The following GRAMD1A variants were observed in gnomAD, a reference collection of about 807,000 sequenced individuals.
GRAMD1A encodes the protein GRAM domain containing 1A.
Under a neutral mutation model 92.0 loss-of-function variants are expected in GRAMD1A, and 50 were observed. The observed-to-expected ratio is 0.54, with a 90% confidence interval of 0.43 to 0.69. The LOEUF is 0.69. Ranked by LOEUF, GRAMD1A falls within the 30% of genes least tolerant of loss-of-function variation. GRAMD1A has a pLI of 0.00. For missense variants in GRAMD1A, 819 were observed against 978.9 expected, an observed-to-expected ratio of 0.84 and a Z score of 2.18; for synonymous variants, 405 against 403.6, an observed-to-expected ratio of 1.00 and a Z score of -0.04.
Position 35,014,405 on chromosome 19 carries a change from A to G in GRAMD1A, c.1069+18A>G. 6.2e-7 allele frequency: 1 copy of G among 1,606,656 alleles called. No homozygotes were observed. Among genetic ancestry groups the G allele is most frequent in the South Asian group, 1.1e-5 (1 of 90,908 alleles). ...GGAGGAAGGTGAGGCAGGCGGGCCC[A>G]ATTCATTCGCCTCCGGTACTTGCAA... On this transcript the variant is annotated intron_variant, in intron 10 of 19. Coordinates refer to ENST00000317991, the MANE Select transcript of GRAMD1A (RefSeq NM_020895.5).
At chr19:34,998,698 T>C (rs1421871196), upstream of GRAMD1A, 1 of 146,694 alleles carries the variant, frequency 6.8e-6, no homozygotes, top group African/African-American at 2.6e-5. Flanking sequence ...CAGAGGAAGG[T>C]GGTGGGAGGA....
intron 11 of GRAMD1A, among the ~76,000 whole-genome samples, chr19:35,017,219 C>T (rs987839420): frequency 5.9e-5 from 9 of 151,892 alleles, no homozygotes; most frequent in Admixed American, 1.3e-4. Flanking sequence ...GAGCAGATGT[C>T]GGCATCATGC....
chr19:35,009,470 G>A, intron 3 of GRAMD1A, 27 bp downstream of exon 3: 1 of 1,612,836 alleles, frequency 6.2e-7, no homozygotes, highest in Non-Finnish European at 8.5e-7. Context: ...GGGGCTTGCT[G>A]GAGGGCTGGG....
upstream of GRAMD1A, chr19:34,996,111 G>T: frequency 3.9e-6 from 6 of 1,535,850 alleles, no homozygotes; most frequent in Non-Finnish European, 5.2e-6. Flanking sequence ...GCAGGGCAGC[G>T]GAAGCAGCAG....
chr19:35,004,123 G>A (rs1393777550), intron 1 of GRAMD1A, among the ~76,000 whole-genome samples: 1 of 152,132 alleles, frequency 6.6e-6, no homozygotes, highest in Non-Finnish European at 1.5e-5. Context: ...CAGCTATCAG[G>A]GAAGCTAAGG....
Position 35,013,214 on chromosome 19 carries a change from C to T in GRAMD1A, c.607-42C>T. On this transcript the variant is annotated intron_variant, in intron 7 of 19. Transcript: ENST00000317991. The surrounding 1 kb of genome is among the most constrained non-coding windows in gnomAD (Gnocchi z 4.9). The stretch of plus-strand genomic sequence containing the variant: ...GGGAATCTGGCGGGCCGGGCTCTGG[C>T]TGGGGTGAGATGGAGGCCAACCCCA... The T allele has an allele frequency of 1.8e-6, 2 of 1,095,342 alleles. No individual in the cohort carries two copies. The highest frequency in any genetic ancestry group is 2.7e-6 in the Non-Finnish European group (2 of 745,998). The allele number at this position is 1,095,342 out of a possible 1,614,324, so 67.9% of individuals were successfully genotyped here.
At position 35,013,090 on chromosome 19, in the gene GRAMD1A, A is replaced by C; in HGVS notation, c.607-166A>C. 1.7e-6 allele frequency: 1 copy of C among 580,568 alleles called. No homozygotes were observed. Among genetic ancestry groups the C allele is most frequent in the South Asian group, 2.1e-5 (1 of 48,438 alleles). The allele number at this position is 580,568 out of a possible 1,614,324, so 36.0% of individuals were successfully genotyped here. A position where few individuals can be genotyped will look rare whatever the true frequency, so the allele number is the denominator to read the frequency against. ...TGGGCGCAGGCCCTGGAGGGGCTGTAGCAGGGGATTCCCCGCTTGCTGAGG... is the reference window on the plus strand; with the variant it reads ...TGGGCGCAGGCCCTGGAGGGGCTGTCGCAGGGGATTCCCCGCTTGCTGAGG... On this transcript the variant is annotated intron_variant, in intron 7 of 19. Coordinates refer to ENST00000317991, the MANE Select transcript of GRAMD1A (RefSeq NM_020895.5). This position sits in a 1 kb window ranked among gnomAD's most constrained non-coding sequence, Gnocchi z 4.9.
rs748154945 is a variant in GRAMD1A, at chr19:35,009,164, G to A, written c.54G>A (p.Ser18=). The change falls in exon 2 of 20, where the codon TCG becomes TCA. Residue 18 remains serine (S), a synonymous_variant. Coordinates refer to ENST00000317991, the MANE Select transcript of GRAMD1A (RefSeq NM_020895.5). ...GGAGCACGCCAAGCAGCTCCCCATC[G>A]CTCCGGAAACGGCTGCAGCTCCTGC... ...SGRSTPSSSP[S]LRKRLQLLPP... 21 of 1,613,872 alleles carry A rather than the reference G, an allele frequency of 1.3e-5. No homozygotes were observed. Among genetic ancestry groups the A allele is most frequent in the Middle Eastern group, 1.6e-4 (1 of 6,084 alleles).
At chr19:35,011,822 G>C (rs546254846) in intron 7 of GRAMD1A, among the ~76,000 whole-genome samples, 1 of 152,220 alleles carries the variant, frequency 6.6e-6, no homozygotes, top group Admixed American at 6.5e-5. Flanking sequence ...CACTGGCAGC[G>C]GGGGAGTGTG....
At chr19:34,994,939 CT>C (rs1177280078) in intron 1 of GRAMD1A, 1 of 152,306 alleles carries the variant, frequency 6.6e-6, no homozygotes, top group East Asian at 1.9e-4. Context: ...CCTCCCTTCC[CT>C]ATTCGCTGAA....
intron 1 of GRAMD1A, among the ~76,000 whole-genome samples, chr19:35,008,567 A>G (rs552049398): frequency 1.4e-5 from 2 of 139,852 alleles, no homozygotes; most frequent in Non-Finnish European, 2.9e-5. Flanking sequence ...CCCACCTGTA[A>G]TCCCAGCACT....
chr19:35,023,385 CG>C, intron 18 of GRAMD1A, 41 bp from the exon 19 acceptor site: 1 of 1,613,102 alleles, frequency 6.2e-7, no homozygotes, highest in East Asian at 2.2e-5. Flanking sequence ...TTGGGCACAT[CG>C]GGGGAGGCCA....
At chr19:35,012,079 T>A (rs2015283533) in intron 7 of GRAMD1A, among the ~76,000 whole-genome samples, 1 of 152,212 alleles carries the variant, frequency 6.6e-6, no homozygotes, top group African/African-American at 2.4e-5. Flanking sequence ...CTGGGGCAAG[T>A]GATTGAACCC....
At chr19:35,003,139 T>TGTGC (rs2014522203) in intron 1 of GRAMD1A, among the ~76,000 whole-genome samples, 1 of 108,096 alleles carries the variant, frequency 9.3e-6, no homozygotes, top group African/African-American at 3.4e-5. Flanking sequence ...GCTGTTGCTC[T>TGTGC]GTGCGTGTGT....
chr19:35,016,033 C>T, intron 11 of GRAMD1A, 66 bp downstream of exon 11: 1 of 1,542,136 alleles, frequency 6.5e-7, no homozygotes. Context: ...GGAAGGGTAG[C>T]CCAGGACAGG....
intron 10 of GRAMD1A, chr19:35,015,268 T>G (rs1223333852): frequency 6.6e-6 from 1 of 152,470 alleles, no homozygotes; most frequent in Non-Finnish European, 1.5e-5. Context: ...TTATCATTAT[T>G]GTATTCATTT....
rs1055699251 is a variant in GRAMD1A, at chr19:35,013,200, G to A, written c.607-56G>A. 9 of 924,552 alleles carry A rather than the reference G, an allele frequency of 9.7e-6. No individual in the cohort carries two copies. Among genetic ancestry groups the A allele is most frequent in the Non-Finnish European group, 1.3e-5 (8 of 596,894 alleles). The allele number at this position is 924,552 out of a possible 1,614,324, so 57.3% of individuals were successfully genotyped here. ...GCCGAGGGCTGGTGGGGAATCTGGC[G>A]GGCCGGGCTCTGGCTGGGGTGAGAT... On this transcript the variant is annotated intron_variant, in intron 7 of 19. Coordinates refer to ENST00000317991, the MANE Select transcript of GRAMD1A (RefSeq NM_020895.5). The surrounding 1 kb of genome is among the most constrained non-coding windows in gnomAD (Gnocchi z 4.9).
rs760293548 is a variant in GRAMD1A, at chr19:35,026,096, C to T, written c.2130C>T (p.Asp710=). Residue 710 remains aspartate, a synonymous_variant, in exon 20 of 20, where the codon GAC becomes GAT. Coordinates refer to ENST00000317991, the MANE Select transcript of GRAMD1A (RefSeq NM_020895.5). ...EKLHQGITVS[D]PPFDTQPRPD... ...TGCACCAAGGCATCACAGTCTCAGA[C>T]CCTCCCTTTGACACCCAGCCCCGGC... The T allele has an allele frequency of 2.5e-6, 4 of 1,607,084 alleles. No homozygotes were observed. Among genetic ancestry groups the T allele is most frequent in the Non-Finnish European group, 3.4e-6 (4 of 1,173,568 alleles).
intron 7 of GRAMD1A, among the ~76,000 whole-genome samples, chr19:35,012,516 G>A (rs1166311766): frequency 1.3e-5 from 2 of 152,244 alleles, no homozygotes; most frequent in Non-Finnish European, 2.9e-5. Context: ...GGCTCCCGAG[G>A]ACACCTGGGA....
Sources: allele counts gnomAD v4.1 joint callset (sites outside exome capture counted in the v4.1 genomes callset), GRCh38; gene constraint gnomAD v4.1.1; non-coding constraint Gnocchi (gnomAD v3.1); transcripts MANE v1.5; gene names NCBI Gene and HGNC (gene_info 2026-07-23, HGNC 2026-07-21).